Variants in TMEM41B observed in about 807,000 individuals in gnomAD.
TMEM41B encodes the protein protein stasimon.
In TMEM41B, 18 loss-of-function variants were observed where a neutral mutation model predicts 31.9. The observed-to-expected ratio is 0.56, with a 90% CI of 0.39 to 0.84. The LOEUF (loss-of-function observed/expected upper bound fraction) is 0.84, where lower values mean the gene tolerates loss of function less well. Among genes scored for constraint, TMEM41B ranks in the 40% least tolerant of loss-of-function variants. The pLI, the probability that TMEM41B is intolerant of heterozygous loss-of-function variation, is 0.00. For missense variants in TMEM41B, 322 were observed against 348.0 expected (o/e 0.93, Z 0.59); for synonymous variants, 144 against 124.3 (o/e 1.16, Z -1.05).
At position 9,314,518 on chromosome 11, in the gene TMEM41B, C is replaced by T. The variant is rs933159680; in HGVS notation, c.-77G>A. 6.1e-6 allele frequency: 9 copies of T among 1,471,532 alleles called. No homozygotes were observed. Among genetic ancestry groups the T allele is most frequent in the Non-Finnish European group, 7.2e-6 (8 of 1,107,718 alleles). 91.2% of individuals were successfully genotyped at this position (1,471,532 alleles called of 1,614,324 possible). A position where few individuals can be genotyped will look rare whatever the true frequency, so the allele number is the denominator to read the frequency against. ...AAACTCTGTTGCAGGCTCCTTACTA[C>T]GCCGAAGCGCCACGGCTAGAGCCAC... On this transcript the variant is annotated 5_prime_UTR_variant, in exon 1 of 7. Coordinates refer to ENST00000528080, the MANE Select transcript of TMEM41B (RefSeq NM_015012.4).
Position 9,312,630 on chromosome 11 carries a change from G to C in TMEM41B, c.121+1691C>G, listed in dbSNP as rs1248625061. 3.9e-5 allele frequency among the ~76,000 whole-genome samples: 6 copies of C among 152,182 alleles called. No homozygotes were observed. The East Asian group carries it at 1.2e-3, about 29-fold the overall frequency. ...CATCATAAGAATAATTGTAGGCCAG[G>C]CGTGGTGGCTCACGCCTGTAATCCC... On this transcript the variant is annotated intron_variant, in intron 1 of 6. Transcript: ENST00000528080.
At chr11:9,300,607 G>A (rs1239482961) in intron 1 of TMEM41B, among the ~76,000 whole-genome samples, 1 of 151,994 alleles carries the variant, frequency 6.6e-6, no homozygotes, top group Non-Finnish European at 1.5e-5. Context: ...GGCCAGGCGC[G>A]GTGGCTCACG....
At position 9,283,167 on chromosome 11, in the gene TMEM41B, CCCT is replaced by C. The variant is rs1852760275; in HGVS notation, c.*254_*256del. ...ACCACACTACTATTATCTACAGCTACCCTTGGTATAATAATTTATAAGATGTCT... is the reference window on the plus strand; with the variant it reads ...ACCACACTACTATTATCTACAGCTACTGGTATAATAATTTATAAGATGTCT... On this transcript the variant is annotated 3_prime_UTR_variant, in exon 7 of 7. Transcript: ENST00000528080. The C allele has an allele frequency of 1.8e-5, 5 of 275,042 alleles. No homozygotes were observed. In the East Asian group the frequency reaches 3.8e-4, roughly 21 times the overall value. 17.0% of individuals were successfully genotyped at this position (275,042 alleles called of 1,614,324 possible).
At chr11:9,306,138 C>T (rs1356650336) in intron 1 of TMEM41B, among the ~76,000 whole-genome samples, 1 of 151,872 alleles carries the variant, frequency 6.6e-6, no homozygotes, top group African/African-American at 2.4e-5. Context: ...GCCACCACCC[C>T]CAGCTAATTT....
chr11:9,299,347 T>TACACAC (rs1564964562), intron 2 of TMEM41B, among the ~76,000 whole-genome samples: 18 of 60,550 alleles, frequency 3.0e-4, no homozygotes, highest in Non-Finnish European at 6.7e-4. Context: ...CACACACACG[T>TACACAC]GTGTGTATAT....
At chr11:9,285,670 T>C (rs1285184437) in intron 6 of TMEM41B, among the ~76,000 whole-genome samples, 1 of 152,170 alleles carries the variant, frequency 6.6e-6, no homozygotes, top group Non-Finnish European at 1.5e-5. Context: ...TCCTTGCTTT[T>C]TCCATACTTT....
intron 1 of TMEM41B, 150 bp downstream of exon 1, chr11:9,314,171 C>G: frequency 9.6e-7 from 1 of 1,045,756 alleles, no homozygotes; most frequent in Non-Finnish European, 1.3e-6. Flanking sequence ...AGCGCCCAAG[C>G]CCAACTCCCC....
intron 1 of TMEM41B, among the ~76,000 whole-genome samples, chr11:9,309,878 G>C (rs1394087928): frequency 6.8e-6 from 1 of 147,966 alleles, no homozygotes; most frequent in Admixed American, 6.8e-5. Flanking sequence ...AGCCAAGATC[G>C]CACCACTGCA....
intron 5 of TMEM41B, 121 bp downstream of exon 5, chr11:9,287,581 G>T (rs2133611507): frequency 1.7e-6 from 1 of 589,242 alleles, no homozygotes. Flanking sequence ...CTTATTACTT[G>T]AGTTAACTTA....
intron 6 of TMEM41B, among the ~76,000 whole-genome samples, chr11:9,285,674 A>G (rs1380914427): frequency 6.6e-6 from 1 of 152,154 alleles, no homozygotes; most frequent in Non-Finnish European, 1.5e-5. Context: ...TGCTTTTTCC[A>G]TACTTTTGAT....
chr11:9,290,665 A>C (rs775208059), intron 3 of TMEM41B, among the ~76,000 whole-genome samples: 2 of 152,174 alleles, frequency 1.3e-5, no homozygotes, highest in Non-Finnish European at 2.9e-5. Context: ...ACAAGTTCCC[A>C]GGAAGTGTTT....
chr11:9,299,282 CAAAAAA>C (rs1180036082), intron 2 of TMEM41B, among the ~76,000 whole-genome samples: 9 of 41,708 alleles, frequency 2.2e-4, no homozygotes, highest in South Asian at 3.4e-3. Context: ...GACTCTGTCT[CAAAAAA>C]AAAAAAAAAA....
chr11:9,285,213 T>G (rs1422168558), intron 6 of TMEM41B, among the ~76,000 whole-genome samples: 1 of 151,800 alleles, frequency 6.6e-6, no homozygotes, highest in Non-Finnish European at 1.5e-5. Context: ...GCCTCCTGAG[T>G]AGCTGAGACT....
chr11:9,308,958 TCTGATCCTGGCCGGGCGTGGGGCTAACA>T (rs1853465189), intron 1 of TMEM41B, among the ~76,000 whole-genome samples: 1 of 151,902 alleles, frequency 6.6e-6, no homozygotes, highest in African/African-American at 2.4e-5. Flanking sequence ...ATATGAAAAA[TCTGATCCTGGCCGGGCGTGGGGCTAACA>T]CCTATAATCC....
At chr11:9,305,156 T>A (rs1853356390) in intron 1 of TMEM41B, among the ~76,000 whole-genome samples, 1 of 152,290 alleles carries the variant, frequency 6.6e-6, no homozygotes, top group South Asian at 2.1e-4. Flanking sequence ...TATATATTTT[T>A]ATTCAATAAA....
intron 3 of TMEM41B, 147 bp from the exon 4 acceptor site, chr11:9,288,682 T>A (rs2066798225): frequency 1.8e-6 from 1 of 553,422 alleles, no homozygotes; most frequent in Non-Finnish European, 3.1e-6. Context: ...GACCATTTAC[T>A]AAACAGTATC....
intron 3 of TMEM41B, among the ~76,000 whole-genome samples, chr11:9,292,918 A>G (rs747677033): frequency 2.5e-4 from 38 of 152,138 alleles, no homozygotes; most frequent in South Asian, 4.2e-4. Flanking sequence ...CCTTGCCAAC[A>G]CTTGTTATTT....
At position 9,314,448 on chromosome 11, in the gene TMEM41B, T is replaced by C. The variant is rs762121299; in HGVS notation, c.-7A>G. 4 of 1,554,082 alleles carry C rather than the reference T, an allele frequency of 2.6e-6. No homozygotes were observed. Among genetic ancestry groups the C allele is most frequent in the East Asian group, 2.4e-5 (1 of 41,094 alleles). On this transcript the variant is annotated 5_prime_UTR_variant, in exon 1 of 7. Coordinates refer to ENST00000528080, the MANE Select transcript of TMEM41B (RefSeq NM_015012.4). ...CGACTCTGCCTTTCGCCATGGCTGC[T>C]GCAAGGTGAAGGGAGCGGTGCGGTG...
Position 9,280,947 on chromosome 11 carries a change from G to A in TMEM41B, c.*2477C>T, listed in dbSNP as rs758526814. ...TCAACTGCATTGAGGGTACAGCCTT[G>A]CTGAAGGGTCCTTTCTTGACAGTCA... On this transcript the variant is annotated 3_prime_UTR_variant, in exon 7 of 7. Coordinates refer to ENST00000528080, the MANE Select transcript of TMEM41B (RefSeq NM_015012.4). The A allele has an allele frequency of 2.0e-5, 3 of 152,210 alleles. No individual in the cohort carries two copies. In the East Asian group the frequency reaches 5.8e-4, roughly 29 times the overall value. The allele number at this position is 152,210 out of a possible 1,614,324, so 9.4% of individuals were successfully genotyped here. A position where few individuals can be genotyped will look rare whatever the true frequency, so the allele number is the denominator to read the frequency against.
Sources: gnomAD v4.1 joint callset for allele counts (sites outside exome capture counted in the v4.1 genomes callset) on GRCh38, gnomAD v4.1.1 for gene constraint, MANE v1.5 for transcripts, NCBI Gene and HGNC (gene_info 2026-07-23, HGNC 2026-07-21) for gene names.